Variants in ACSM1 observed in about 807,000 individuals in gnomAD.
ACSM1 encodes acyl-coenzyme A synthetase ACSM1, mitochondrial.
Under a neutral mutation model 75.8 loss-of-function variants are expected in ACSM1, and 79 were observed. The ratio of observed to expected loss-of-function variants is 1.04; its 90% CI spans 0.87 to 1.26. The LOEUF (loss-of-function observed/expected upper bound fraction) is 1.26. ACSM1 is among the 50% of genes most tolerant of loss of function. The probability of loss-of-function intolerance (pLI) is 0.00; values close to 1 mark genes in which losing one functional copy is unlikely to be tolerated. For missense variants in ACSM1, 676 were observed against 720.1 expected, an observed-to-expected ratio of 0.94 and a Z score of 0.70; for synonymous variants, 279 against 265.8, an observed-to-expected ratio of 1.05 and a Z score of -0.48.
chr16:20,691,304 GT>G (rs1440124623), intron 1 of ACSM1, 65 bp from the exon 2 acceptor site: 29 of 876,670 alleles, frequency 3.3e-5, no homozygotes, highest in Non-Finnish European at 4.6e-5. Context: ...TTGGGTGCAT[GT>G]TTTTGGTTAA....
Position 20,649,233 on chromosome 16 carries a change from G to T in ACSM1, c.993-8649C>A, listed in dbSNP as rs188124546. ...CCAAATTCCTACCTAAAGGGTCTAGGGAGTCATGCCCTACAAACCATAAAT... is the reference window on the plus strand; with the variant it reads ...CCAAATTCCTACCTAAAGGGTCTAGTGAGTCATGCCCTACAAACCATAAAT... On this transcript the variant is annotated intron_variant, in intron 7 of 13. Transcript: ENST00000520010. 4.3e-4 allele frequency among the ~76,000 whole-genome samples: 65 copies of T among 152,076 alleles called. 1 individual carries two copies. The East Asian group carries it at 0.013, about 29-fold the overall frequency.
At chr16:20,676,033 C>T (rs2020255867) in intron 4 of ACSM1, 1 of 152,162 alleles carries the variant, frequency 6.6e-6, no homozygotes, top group African/African-American at 2.4e-5. Context: ...GAATAGAGAC[C>T]CCTCCTCCCT....
chr16:20,644,550 C>T (rs922458864), intron 7 of ACSM1, among the ~76,000 whole-genome samples: 7 of 128,134 alleles, frequency 5.5e-5, no homozygotes, highest in Non-Finnish European at 1.3e-4. Flanking sequence ...CACACACACA[C>T]ACACACACAC....
intron 6 of ACSM1, among the ~76,000 whole-genome samples, chr16:20,666,419 A>C (rs1301845099): frequency 6.6e-6 from 1 of 152,182 alleles, no homozygotes; most frequent in Non-Finnish European, 1.5e-5. Context: ...CATCTAACCA[A>C]GGAGGTGAAA....
intron 4 of ACSM1, among the ~76,000 whole-genome samples, chr16:20,678,785 C>T (rs2079371170): frequency 6.6e-6 from 1 of 152,184 alleles, no homozygotes; most frequent in African/African-American, 2.4e-5. Flanking sequence ...GACACTAAAA[C>T]AACTGCTGAA....
At position 20,643,148 on chromosome 16, in the gene ACSM1, A is replaced by G. The variant is rs2018158291; in HGVS notation, c.993-2564T>C. Reference sequence around the variant, plus strand: ...GTGGAAGCTGGTTCCAGGCAAACCAATGTTCCCAACTCTGAAGAGTTGGGG... The same window carrying G: ...GTGGAAGCTGGTTCCAGGCAAACCAGTGTTCCCAACTCTGAAGAGTTGGGG... On this transcript the variant is annotated intron_variant, in intron 7 of 13. Transcript: ENST00000520010. Among the ~76,000 whole-genome samples, 4 of 152,098 alleles carry G rather than the reference A, an allele frequency of 2.6e-5. No individual in the cohort carries two copies. In the South Asian group the frequency reaches 8.3e-4, roughly 32 times the overall value.
At chr16:20,683,584 A>C (rs2079488897) in intron 3 of ACSM1, among the ~76,000 whole-genome samples, 1 of 150,276 alleles carries the variant, frequency 6.7e-6, no homozygotes, top group South Asian at 2.1e-4. Context: ...CATGCTTGGA[A>C]TGTCCTTCCT....
intron 7 of ACSM1, among the ~76,000 whole-genome samples, chr16:20,641,013 G>A (rs972877221): frequency 2.6e-5 from 4 of 152,100 alleles, no homozygotes; most frequent in Non-Finnish European, 5.9e-5. Context: ...CTTACACTAC[G>A]CTAACTAAAG....
At chr16:20,690,568 G>A (rs968777320) in intron 2 of ACSM1, among the ~76,000 whole-genome samples, 1 of 152,120 alleles carries the variant, frequency 6.6e-6, no homozygotes, top group Admixed American at 6.6e-5. Context: ...GCACATTCAG[G>A]TGGTCTATCC....
Position 20,669,833 on chromosome 16 carries a change from G to T in ACSM1, c.906C>A (p.Ile302=), listed in dbSNP as rs751675434. ...GGAAGGTGAGTCTTCTTACCTGTAT[G>T]ATGACCTTGGTGTCAAACTGTGGCA... ...HHLPQFDTKV[I]IQTLLKYPIN... Residue 302 remains isoleucine, a synonymous_variant, in exon 6 of 14, where the codon ATC becomes ATA. Transcript: ENST00000520010. 6.2e-7 allele frequency: 1 copy of T among 1,613,846 alleles called. No homozygotes were observed. Among genetic ancestry groups the T allele is most frequent in the Non-Finnish European group, 8.5e-7 (1 of 1,179,818 alleles).
intron 7 of ACSM1, among the ~76,000 whole-genome samples, chr16:20,644,494 C>T (rs1038698437): frequency 6.6e-6 from 1 of 151,690 alleles, no homozygotes; most frequent in African/African-American, 2.4e-5. Context: ...GGAGGAACTC[C>T]ATTCAAGACA....
At chr16:20,671,406 A>G (rs1337428879) in intron 5 of ACSM1, 125 bp downstream of exon 5, 2 of 1,008,458 alleles carry the variant, frequency 2.0e-6, no homozygotes, top group Non-Finnish European at 2.7e-6. Flanking sequence ...GAAAAGGAGT[A>G]TGTAGTCACT....
chr16:20,691,783 GT>G (rs1408028711), intron 1 of ACSM1, among the ~76,000 whole-genome samples: 2 of 150,972 alleles, frequency 1.3e-5, no homozygotes, highest in Admixed American at 6.6e-5. Context: ...GTGTGTGTGT[GT>G]GTGTGTGTGT....
intron 7 of ACSM1, among the ~76,000 whole-genome samples, chr16:20,644,685 A>G (rs2018263182): frequency 6.6e-6 from 1 of 152,240 alleles, no homozygotes; most frequent in Non-Finnish European, 1.5e-5. Context: ...TACTCAGCCA[A>G]GCCTTAAAGT....
At chr16:20,661,964 A>G in intron 6 of ACSM1, 91 bp from the exon 7 acceptor site, 1 of 729,886 alleles carries the variant, frequency 1.4e-6, no homozygotes. Context: ...CCTTCCCACT[A>G]GAAGAGCCCA....
At chr16:20,643,654 C>T (rs2018197354) in intron 7 of ACSM1, among the ~76,000 whole-genome samples, 1 of 152,166 alleles carries the variant, frequency 6.6e-6, no homozygotes, top group Non-Finnish European at 1.5e-5. Flanking sequence ...GGAAGGGGAC[C>T]CAAGCAGGTT....
intron 2 of ACSM1, among the ~76,000 whole-genome samples, chr16:20,687,878 G>T (rs2079581436): frequency 6.6e-6 from 1 of 152,162 alleles, no homozygotes; most frequent in African/African-American, 2.4e-5. Context: ...GAGGTCAGGA[G>T]TTTGAGACCA....
At chr16:20,667,995 TAAC>T (rs1315785159) in intron 6 of ACSM1, among the ~76,000 whole-genome samples, 8 of 152,056 alleles carry the variant, frequency 5.3e-5, no homozygotes, top group Admixed American at 6.6e-5. Flanking sequence ...ATGCTGGGGA[TAAC>T]AATAGACACT....
At chr16:20,624,947 C>T (rs1301828841) in intron 12 of ACSM1, among the ~76,000 whole-genome samples, 2 of 152,100 alleles carry the variant, frequency 1.3e-5, no homozygotes, top group Non-Finnish European at 2.9e-5. Flanking sequence ...TCTTGAACTC[C>T]TGACCTCAGG....
Sources: gnomAD v4.1 joint callset for allele counts (sites outside exome capture counted in the v4.1 genomes callset) on GRCh38, gnomAD v4.1.1 for gene constraint, MANE v1.5 for transcripts, NCBI Gene and HGNC (gene_info 2026-07-23, HGNC 2026-07-21) for gene names.